Variants in TENM4 observed in about 807,000 individuals in gnomAD.
TENM4 encodes teneurin transmembrane protein 4.
Under a neutral mutation model 243.3 loss-of-function variants are expected in TENM4, and 82 were observed. The observed-to-expected ratio is 0.34, with a 90% CI of 0.28 to 0.40. The LOEUF (loss-of-function observed/expected upper bound fraction) is 0.40. Ranked by LOEUF, TENM4 falls within the 10% of genes least tolerant of loss-of-function variation. The pLI, the probability that TENM4 is intolerant of heterozygous loss-of-function variation, is 1.00. For synonymous variants in TENM4, 1,412 were observed against 1,456.3 expected (o/e 0.97, Z 0.69); for missense variants, 3,138 against 3,673.3 (o/e 0.85, Z 3.77).
At chr11:79,234,428 C>T (rs1229498088) in intron 2 of TENM4, among the ~76,000 whole-genome samples, 1 of 152,182 alleles carries the variant, frequency 6.6e-6, no homozygotes, top group African/African-American at 2.4e-5. Flanking sequence ...TTCTTACTGG[C>T]TAAGAGGCCT....
At chr11:79,093,484 T>A (rs912022291) in intron 4 of TENM4, 2 of 152,282 alleles carry the variant, frequency 1.3e-5, no homozygotes, top group African/African-American at 4.8e-5. Context: ...CAAGGCACCA[T>A]CCTCTCCTGG....
intron 1 of TENM4, among the ~76,000 whole-genome samples, chr11:79,330,045 G>T (rs1008227476): frequency 1.4e-4 from 21 of 152,198 alleles, no homozygotes; most frequent in African/African-American, 5.1e-4. Flanking sequence ...GGGCAATGGT[G>T]TGTTGTTAAG....
rs75146380 is a variant in TENM4 at position 79,257,370 on chromosome 11, G to C, written c.-265+40118C>G. Among the ~76,000 whole-genome samples the C allele has an allele frequency of 4.1e-3, 632 of 152,290 alleles. 5 individuals carry two copies. The highest frequency in any genetic ancestry group is 0.014 in the African/African-American group (598 of 41,562). ...CTCCTATAGACTCAGCATTCAGGAT[G>C]CTGTTCCTTAATCACCTCCAGTTTC... On this transcript the variant is annotated intron_variant, in intron 2 of 33. Coordinates refer to ENST00000278550, the MANE Select transcript of TENM4 (RefSeq NM_001098816.3).
chr11:78,743,353 ATTGATCACGG>A (rs1486724060), intron 19 of TENM4, among the ~76,000 whole-genome samples: 3 of 152,214 alleles, frequency 2.0e-5, no homozygotes, highest in Non-Finnish European at 4.4e-5. Context: ...TATTCCCAGC[ATTGATCACGG>A]TTGATGGTCA....
At chr11:79,131,939 G>C (rs1389209905) in intron 4 of TENM4, among the ~76,000 whole-genome samples, 1 of 152,136 alleles carries the variant, frequency 6.6e-6, no homozygotes, top group African/African-American at 2.4e-5. Flanking sequence ...AAAAGAGACA[G>C]AGGGACATTA....
At position 79,175,342 on chromosome 11, in the gene TENM4, T is replaced by C. The variant is rs145946250; in HGVS notation, c.-162-26536A>G. Among the ~76,000 whole-genome samples, 964 of 152,308 alleles carry C rather than the reference T, an allele frequency of 6.3e-3. 4 individuals carry two copies. The highest frequency in any genetic ancestry group is 0.011 in the Non-Finnish European group (735 of 68,012). Reference sequence around the variant, plus strand: ...TGGTATGGGCACTCACTAGTTGAAGTGGGGCAGGTTGTATTAATATGTCAA... The same window carrying C: ...TGGTATGGGCACTCACTAGTTGAAGCGGGGCAGGTTGTATTAATATGTCAA... On this transcript the variant is annotated intron_variant, in intron 3 of 33. Coordinates refer to ENST00000278550, the MANE Select transcript of TENM4 (RefSeq NM_001098816.3).
chr11:79,221,467 A>C (rs570638979), intron 2 of TENM4, among the ~76,000 whole-genome samples: 1 of 151,916 alleles, frequency 6.6e-6, no homozygotes, highest in Non-Finnish European at 1.5e-5. Flanking sequence ...GGGAAAAAAA[A>C]ACATCCACAC....
In TENM4 at chr11:78,696,861, AT is replaced by A. The variant is rs201106860; in HGVS notation, c.5087+4664del. ...GGGTTCTGACTCTCAGGTATGTGGG[AT>A]TTTTTTTTTTCCATTTCTTTTCTTC... On this transcript the variant is annotated intron_variant, in intron 28 of 33. Coordinates refer to ENST00000278550, the MANE Select transcript of TENM4 (RefSeq NM_001098816.3). 1.9e-3 allele frequency among the ~76,000 whole-genome samples: 274 copies of A among 147,414 alleles called. 2 individuals are homozygous for A. The East Asian group carries it at 0.032, about 17-fold the overall frequency.
rs1555001925 is a variant in TENM4 at position 79,066,730 on chromosome 11, G to GCACGCACA, written c.224-1724_224-1723insTGTGCGTG. 2.5e-4 allele frequency among the ~76,000 whole-genome samples: 38 copies of GCACGCACA among 150,720 alleles called. No homozygotes were observed. In the South Asian group the frequency reaches 3.8e-3, roughly 15 times the overall value. On this transcript the variant is annotated intron_variant, in intron 5 of 33. Coordinates refer to ENST00000278550, the MANE Select transcript of TENM4 (RefSeq NM_001098816.3). ...CACGCATGCACACTCGAGCACACAC[G>GCACGCACA]CGCACGCACATGCACACACGCACGC...
intron 20 of TENM4, among the ~76,000 whole-genome samples, chr11:78,734,017 C>T (rs370278456): frequency 6.6e-6 from 1 of 151,996 alleles, no homozygotes; most frequent in Admixed American, 6.6e-5. Context: ...GCTAAAACCC[C>T]GTTTCTACTA....
At chr11:78,754,627 C>G (rs187903540) in intron 19 of TENM4, among the ~76,000 whole-genome samples, 1 of 152,288 alleles carries the variant, frequency 6.6e-6, no homozygotes. Context: ...AAAAAACTCA[C>G]ACTGTGGGAA....
chr11:78,837,838 T>G (rs1376788333), intron 12 of TENM4, among the ~76,000 whole-genome samples: 1 of 152,232 alleles, frequency 6.6e-6, no homozygotes, highest in Non-Finnish European at 1.5e-5. Context: ...TATACTATAT[T>G]TTATTATATG....
chr11:79,225,101 G>C (rs1027443826), intron 2 of TENM4, among the ~76,000 whole-genome samples: 2 of 152,152 alleles, frequency 1.3e-5, no homozygotes, highest in Admixed American at 6.5e-5. Flanking sequence ...CACCTTCAGA[G>C]GAGCACGGTC....
intron 6 of TENM4, among the ~76,000 whole-genome samples, chr11:78,910,261 G>A (rs1233245638): frequency 6.6e-6 from 1 of 152,194 alleles, no homozygotes; most frequent in Non-Finnish European, 1.5e-5. Context: ...AGCATACACT[G>A]CAGTCATTAA....
chr11:78,837,202 G>A (rs1302595208), intron 12 of TENM4, among the ~76,000 whole-genome samples: 3 of 152,054 alleles, frequency 2.0e-5, no homozygotes, highest in East Asian at 1.9e-4. Context: ...ACTGAATCAT[G>A]GTGACAGTTC....
At chr11:79,089,899 C>T (rs1860905657) in intron 4 of TENM4, among the ~76,000 whole-genome samples, 1 of 152,186 alleles carries the variant, frequency 6.6e-6, no homozygotes, top group Non-Finnish European at 1.5e-5. Context: ...ATTTGCTCTA[C>T]ATCACAGCAC....
At chr11:78,664,645 C>T (rs1287815194) in intron 32 of TENM4, among the ~76,000 whole-genome samples, 1 of 152,226 alleles carries the variant, frequency 6.6e-6, no homozygotes, top group Non-Finnish European at 1.5e-5. Context: ...ACAGAAGGAG[C>T]TTGGACTAAC....
intron 2 of TENM4, among the ~76,000 whole-genome samples, chr11:79,271,653 C>T (rs1488594077): frequency 3.9e-5 from 6 of 152,202 alleles, no homozygotes; most frequent in Non-Finnish European, 8.8e-5. Flanking sequence ...AGGTCTTCAC[C>T]TTCCACTCTT....
At chr11:79,406,921 GC>G (rs1736325843) in intron 1 of TENM4, among the ~76,000 whole-genome samples, 1 of 152,130 alleles carries the variant, frequency 6.6e-6, no homozygotes, top group Non-Finnish European at 1.5e-5. Flanking sequence ...CAAAAGGAAA[GC>G]AAAAAAATTT....
Sources: gnomAD v4.1 joint callset for allele counts (sites outside exome capture counted in the v4.1 genomes callset) on GRCh38, gnomAD v4.1.1 for gene constraint, MANE v1.5 for transcripts, NCBI Gene and HGNC (gene_info 2026-07-23, HGNC 2026-07-21) for gene names.